Variants in ADCY2 observed in about 807,000 individuals in gnomAD.
ADCY2 encodes adenylate cyclase type 2.
Under a neutral mutation model 125.2 loss-of-function variants are expected in ADCY2, and 31 were observed. The observed-to-expected ratio is 0.25, with a 90% CI of 0.19 to 0.33. The LOEUF (loss-of-function observed/expected upper bound fraction) is 0.33. Ranked by LOEUF, ADCY2 falls within the 10% of genes least tolerant of loss-of-function variation. The pLI, the probability that ADCY2 is intolerant of heterozygous loss-of-function variation, is 1.00. For synonymous variants in ADCY2, 512 were observed against 548.4 expected (o/e 0.93, Z 0.93); for missense variants, 904 against 1,418.2 (o/e 0.64, Z 5.82).
intron 3 of ADCY2, among the ~76,000 whole-genome samples, chr5:7,567,959 C>A (rs998528725): frequency 1.3e-5 from 2 of 149,748 alleles, no homozygotes; most frequent in Middle Eastern, 6.9e-3. Flanking sequence ...CTCTCTCTCT[C>A]TCTGTCAGAT....
At chr5:7,738,658 A>C (rs774256485) in intron 14 of ADCY2, among the ~76,000 whole-genome samples, 44 of 152,066 alleles carry the variant, frequency 2.9e-4, no homozygotes, top group Admixed American at 6.5e-5. Flanking sequence ...AATACAAGTT[A>C]GGTAGCTTGA....
chr5:7,712,770 A>C, intron 10 of ADCY2, 86 bp from the exon 11 acceptor site: 1 of 935,066 alleles, frequency 1.1e-6, no homozygotes, highest in Non-Finnish European at 1.7e-6. Context: ...CCATGATAAA[A>C]GAGGAAATAT....
Position 7,828,663 on chromosome 5 carries a change from C to A in ADCY2, c.*1792C>A, listed in dbSNP as rs559983669. ...ACAACTCAGCATTGGCCTTAATATA[C>A]CTAAATCTCCAAAAACAGTGATTAA... is the stretch of plus-strand genomic sequence containing the variant. On this transcript the variant is annotated 3_prime_UTR_variant, in exon 25 of 25. Coordinates refer to ENST00000338316, the MANE Select transcript of ADCY2 (RefSeq NM_020546.3). The A allele has an allele frequency of 1.3e-5, 2 of 152,432 alleles. No individual in the cohort carries two copies. The highest frequency in any genetic ancestry group is 4.8e-5 in the African/African-American group (2 of 41,554). 9.4% of individuals were successfully genotyped at this position (152,432 alleles called of 1,614,324 possible).
Position 7,757,638 on chromosome 5 carries a change from C to G in ADCY2, c.2094+52C>G. The G allele has an allele frequency of 2.6e-6, 4 of 1,563,824 alleles. No homozygotes were observed. The South Asian group carries it at 3.5e-5, about 14-fold the overall frequency. ...AACATGGTAAGCCCCAGAGCATGGC[C>G]GTGTTCAACATGGTAAGCCCCAGAC... On this transcript the variant is annotated intron_variant, in intron 16 of 24. Coordinates refer to ENST00000338316, the MANE Select transcript of ADCY2 (RefSeq NM_020546.3).
intron 3 of ADCY2, among the ~76,000 whole-genome samples, chr5:7,612,685 G>A (rs1289404411): frequency 6.6e-6 from 1 of 152,196 alleles, no homozygotes; most frequent in African/African-American, 2.4e-5. Flanking sequence ...TTAAAACTAA[G>A]AGATAGCTCC....
intron 2 of ADCY2, among the ~76,000 whole-genome samples, chr5:7,475,052 G>A (rs1306326253): frequency 6.6e-6 from 1 of 152,212 alleles, no homozygotes; most frequent in African/African-American, 2.4e-5. Flanking sequence ...CCAGCAGGGG[G>A]AGTCCTCCCA....
At chr5:7,731,686 C>G (rs57459731) in intron 14 of ADCY2, among the ~76,000 whole-genome samples, 1 of 152,046 alleles carries the variant, frequency 6.6e-6, no homozygotes, top group East Asian at 1.9e-4. Context: ...TCACTGCAAC[C>G]TCTGCCTCCC....
In ADCY2 at chr5:7,724,556, A is replaced by G. The variant is rs775603808; in HGVS notation, c.1715A>G (p.Lys572Arg). ...DGINAQKQWLKSEDIQRISLL... is the reference protein window; with the variant it reads ...DGINAQKQWLRSEDIQRISLL... ...CTTTCTATTTCCAGGCAATGGCTCA[A>G]GTCTGAAGACATTCAGAGAATCTCA... The change falls in exon 13 of 25, where the codon AAG becomes AGG. Residue 572 changes from lysine (K) to arginine (R), a missense_variant. Around this residue, in one of 7 missense-constraint regions of ADCY2, gnomAD observed 144 missense variants for 227.7 expected, o/e 0.63. Coordinates refer to ENST00000338316, the MANE Select transcript of ADCY2 (RefSeq NM_020546.3). 6.2e-7 allele frequency: 1 copy of G among 1,607,098 alleles called. No homozygotes were observed. The highest frequency in any genetic ancestry group is 1.1e-5 in the South Asian group (1 of 88,830).
chr5:7,507,149 A>AC (rs1057225763), intron 2 of ADCY2, among the ~76,000 whole-genome samples: 2 of 151,280 alleles, frequency 1.3e-5, no homozygotes, highest in African/African-American at 4.9e-5. Flanking sequence ...AGAGGTAAAA[A>AC]TGGTAACAAA....
At chr5:7,708,034 G>A (rs1741315101) in intron 9 of ADCY2, 196 bp downstream of exon 9, 1 of 582,234 alleles carries the variant, frequency 1.7e-6, no homozygotes. Flanking sequence ...ATGAGCAGTT[G>A]AAATGCACTG....
intron 1 of ADCY2, among the ~76,000 whole-genome samples, chr5:7,411,119 C>T (rs1561010106): frequency 6.6e-6 from 1 of 152,224 alleles, no homozygotes; most frequent in Non-Finnish European, 1.5e-5. Flanking sequence ...GCAAGGTTCT[C>T]AAAACTCCTT....
At chr5:7,410,328 C>CAA (rs570925722) in intron 1 of ADCY2, among the ~76,000 whole-genome samples, 7 of 134,928 alleles carry the variant, frequency 5.2e-5, no homozygotes, top group South Asian at 2.3e-4. Flanking sequence ...TAGTACTGTT[C>CAA]AAAAAAAAAA....
chr5:7,477,366 T>A (rs768623180), intron 2 of ADCY2, among the ~76,000 whole-genome samples: 3 of 152,258 alleles, frequency 2.0e-5, no homozygotes, highest in Non-Finnish European at 2.9e-5. Context: ...ATTCTGGAAC[T>A]GTCAATTTTA....
chr5:7,540,027 T>C (rs1734943956), intron 3 of ADCY2, among the ~76,000 whole-genome samples: 1 of 152,196 alleles, frequency 6.6e-6, no homozygotes, highest in Non-Finnish European at 1.5e-5. Flanking sequence ...AATATACTCC[T>C]CGCAACATGG....
intron 3 of ADCY2, among the ~76,000 whole-genome samples, chr5:7,544,167 A>G (rs967441440): frequency 4.6e-5 from 7 of 152,016 alleles, no homozygotes; most frequent in African/African-American, 1.2e-4. Flanking sequence ...TTAGCTCCCC[A>G]TGGAAAAGAA....
At chr5:7,696,374 A>G (rs1449914955) in intron 6 of ADCY2, among the ~76,000 whole-genome samples, 1 of 152,206 alleles carries the variant, frequency 6.6e-6, no homozygotes, top group Non-Finnish European at 1.5e-5. Context: ...TGCCACTTAA[A>G]CAGAAATGGA....
At chr5:7,666,735 G>GC (rs1739771191) in intron 4 of ADCY2, among the ~76,000 whole-genome samples, 1 of 152,220 alleles carries the variant, frequency 6.6e-6, no homozygotes, top group Admixed American at 6.5e-5. Context: ...TGCTGGCGGT[G>GC]CCTACGGCTC....
chr5:7,758,141 A>G (rs935245651), intron 16 of ADCY2, among the ~76,000 whole-genome samples: 1 of 152,118 alleles, frequency 6.6e-6, no homozygotes, highest in African/African-American at 2.4e-5. Flanking sequence ...CACAGGCTCC[A>G]TTTTCACTTC....
At chr5:7,402,145 G>T (rs2111440351) in intron 1 of ADCY2, among the ~76,000 whole-genome samples, 1 of 152,316 alleles carries the variant, frequency 6.6e-6, no homozygotes, top group Non-Finnish European at 1.5e-5. Context: ...GACCACAAGA[G>T]CTGAGGGCAT....
Sources: gnomAD v4.1 joint callset for allele counts (sites outside exome capture counted in the v4.1 genomes callset) on GRCh38, gnomAD v4.1.1 for gene constraint, gnomAD v4.1.1 regional missense constraint, MANE v1.5 for transcripts, NCBI Gene and HGNC (gene_info 2026-07-23, HGNC 2026-07-21) for gene names.